The following NFASC variants were observed in gnomAD, a reference collection of about 807,000 sequenced individuals.
The protein encoded by NFASC is neurofascin.
Under a neutral mutation model 147.5 loss-of-function variants are expected in NFASC, and 43 were observed. The observed-to-expected ratio is 0.29, with a 90% confidence interval of 0.23 to 0.38. The LOEUF (loss-of-function observed/expected upper bound fraction) is 0.38. NFASC is among the 10% of genes least tolerant of loss of function. NFASC has a pLI of 1.00. For synonymous variants in NFASC, 622 were observed against 665.5 expected (o/e 0.93, Z 1.01); for missense variants, 1,320 against 1,689.0 (o/e 0.78, Z 3.83).
chr1:204,978,349 G>T (rs1302045920), intron 17 of NFASC, among the ~76,000 whole-genome samples: 1 of 152,192 alleles, frequency 6.6e-6, no homozygotes, highest in African/African-American at 2.4e-5. Context: ...TAAAAAAGGT[G>T]CTGCCCTCAC....
chr1:204,965,758 C>T (rs1449133695), intron 8 of NFASC, among the ~76,000 whole-genome samples: 3 of 152,208 alleles, frequency 2.0e-5, no homozygotes, highest in Non-Finnish European at 2.9e-5. Flanking sequence ...GAAAGATATT[C>T]CTGAAGCTGA....
At chr1:204,939,143 A>G (rs965763511) in intron 2 of NFASC, among the ~76,000 whole-genome samples, 8 of 149,574 alleles carry the variant, frequency 5.3e-5, no homozygotes, top group Admixed American at 1.3e-4. Context: ...GTTCTCCAGT[A>G]CTTAGTATAC....
chr1:204,883,182 G>A (rs1006422764), intron 1 of NFASC, among the ~76,000 whole-genome samples: 33 of 152,314 alleles, frequency 2.2e-4, no homozygotes, highest in African/African-American at 7.9e-4. Flanking sequence ...CCCAGCTTAT[G>A]TGAATGCAGA....
chr1:204,991,256 CCTCT>C, intron 23 of NFASC, 32 bp from the exon 24 acceptor site: 1 of 1,610,540 alleles, frequency 6.2e-7, no homozygotes. Context: ...ATCCTTTCTC[CCTCT>C]GTCTGGCCAT....
intron 1 of NFASC, among the ~76,000 whole-genome samples, chr1:204,856,786 C>G (rs1329035522): frequency 2.6e-5 from 4 of 152,198 alleles, no homozygotes; most frequent in Non-Finnish European, 5.9e-5. Context: ...CCTTTTATAG[C>G]TGGCTTCTTT....
At chr1:204,870,929 C>G in intron 1 of NFASC, 3 of 1,233,072 alleles carry the variant, frequency 2.4e-6, no homozygotes, top group African/African-American at 1.6e-5. Flanking sequence ...AAGGATCTTG[C>G]TGGGATTTTG....
intron 14 of NFASC, 143 bp downstream of exon 14, chr1:204,974,966 T>A: frequency 1.2e-6 from 1 of 861,662 alleles, no homozygotes; most frequent in Admixed American, 2.3e-5. Flanking sequence ...ACCTGTGGAG[T>A]CCTTTTAGGA....
At chr1:204,932,411 T>C (rs1051683350) in intron 2 of NFASC, among the ~76,000 whole-genome samples, 2 of 152,058 alleles carry the variant, frequency 1.3e-5, no homozygotes, top group Non-Finnish European at 2.9e-5. Context: ...ATTCCATAAA[T>C]ATTCCTTGCC....
intron 8 of NFASC, chr1:204,962,291 A>G (rs755159217): frequency 1.4e-5 from 10 of 728,906 alleles, no homozygotes; most frequent in African/African-American, 3.5e-5. Flanking sequence ...TGACACCTCC[A>G]GAAGGCTGCC....
chr1:204,918,500 T>C (rs758705441), intron 1 of NFASC, among the ~76,000 whole-genome samples: 1 of 152,184 alleles, frequency 6.6e-6, no homozygotes, highest in Non-Finnish European at 1.5e-5. Flanking sequence ...ACAATTGTTT[T>C]AATCTATGTG....
chr1:204,946,289 C>G, intron 3 of NFASC: 1 of 509,910 alleles, frequency 2.0e-6, no homozygotes, highest in Non-Finnish European at 3.9e-6. Flanking sequence ...CTGCATGTGC[C>G]TCATCGCACA....
At chr1:204,985,019 C>A (rs950047610) in intron 21 of NFASC, among the ~76,000 whole-genome samples, 1 of 152,176 alleles carries the variant, frequency 6.6e-6, no homozygotes, top group African/African-American at 2.4e-5. Context: ...AAGAAGGCAA[C>A]GTGATGTGTA....
chr1:204,979,006 C>T lies in NFASC; in HGVS notation c.1915C>T (p.Leu639=), dbSNP rs761695173. 2 of 1,563,972 alleles carry T rather than the reference C, an allele frequency of 1.3e-6. No homozygotes were observed. The highest frequency in any genetic ancestry group is 8.7e-7 in the Non-Finnish European group (1 of 1,153,288). The change falls in exon 18 of 30, where the codon CTG becomes TTG. Residue 639 remains leucine (L), a synonymous_variant. Coordinates refer to ENST00000339876, the MANE Select transcript of NFASC (RefSeq NM_001005388.3). This position sits in a 1 kb window ranked among gnomAD's most constrained non-coding sequence, Gnocchi z 6.0. ...GCCCCGGGACCTGGAGCTGACCGACCTGGCCGAGAGGAGCGTGCGGCTGAC... is the reference window on the plus strand; with the variant it reads ...GCCCCGGGACCTGGAGCTGACCGACTTGGCCGAGAGGAGCGTGCGGCTGAC... ...DRPRDLELTD[L]AERSVRLTWI...
intron 11 of NFASC, among the ~76,000 whole-genome samples, chr1:204,972,578 A>G (rs2095292554): frequency 6.6e-6 from 1 of 152,186 alleles, no homozygotes; most frequent in African/African-American, 2.4e-5. Flanking sequence ...GTGGGCAAGA[A>G]TATCCTCTCT....
intron 21 of NFASC, among the ~76,000 whole-genome samples, chr1:204,982,981 G>C (rs1157149637): frequency 2.0e-5 from 3 of 152,362 alleles, no homozygotes; most frequent in Admixed American, 2.0e-4. Flanking sequence ...GACTCACAAG[G>C]GAGATGAGCA....
At position 205,016,402 on chromosome 1, in the gene NFASC, G is replaced by A. The variant is rs754678723; in HGVS notation, c.3586G>A (p.Glu1196Lys). 3 of 1,614,038 alleles carry A rather than the reference G, an allele frequency of 1.9e-6. No homozygotes were observed. The highest frequency in any genetic ancestry group is 1.7e-6 in the Non-Finnish European group (2 of 1,179,936). The change falls in exon 30 of 30, where the codon GAG becomes AAG. Residue 1196 changes from glutamate (E) to lysine (K), a missense_variant. By Grantham distance (56) the Glu-to-Lys change is moderately conservative. Transcript: ENST00000339876. This position sits in a 1 kb window ranked among gnomAD's most constrained non-coding sequence, Gnocchi z 5.1. ...TGACGACAGCCTGGTGGACTATGGC[G>A]AGGGTGGCGAGGGTCAGTTCAATGA... ...ESDDSLVDYG[E>K]GGEGQFNEDG... is the part of the protein sequence containing the mutation.
intron 2 of NFASC, among the ~76,000 whole-genome samples, chr1:204,931,995 T>TGAAGC (rs1271242530): frequency 6.6e-6 from 1 of 152,080 alleles, no homozygotes; most frequent in Non-Finnish European, 1.5e-5. Flanking sequence ...GCAAGTGAAG[T>TGAAGC]GAAGCGGGAG....
At chr1:204,845,832 T>A (rs1676861936) in intron 1 of NFASC, among the ~76,000 whole-genome samples, 3 of 152,030 alleles carry the variant, frequency 2.0e-5, no homozygotes, top group African/African-American at 7.2e-5. Flanking sequence ...AGCCCAGAAG[T>A]TTCAGGTCAC....
At chr1:204,857,027 T>TG (rs1289322553) in intron 1 of NFASC, among the ~76,000 whole-genome samples, 4 of 152,250 alleles carry the variant, frequency 2.6e-5, no homozygotes, top group Non-Finnish European at 5.9e-5. Flanking sequence ...TTCGATTCTT[T>TG]GGGGCATTTA....
Sources: gnomAD v4.1 joint callset for allele counts (sites outside exome capture counted in the v4.1 genomes callset) on GRCh38, gnomAD v4.1.1 for gene constraint, Gnocchi (gnomAD v3.1) non-coding constraint, MANE v1.5 for transcripts, NCBI Gene and HGNC (gene_info 2026-07-23, HGNC 2026-07-21) for gene names.